The following NAALADL2 variants were observed in gnomAD, a reference collection of about 807,000 sequenced individuals.
NAALADL2 encodes the protein N-acetylated alpha-linked acidic dipeptidase like 2, also known as inactive N-acetylated-alpha-linked acidic dipeptidase-like protein 2.
A neutral mutation model predicts 87.2 loss-of-function variants in NAALADL2; 76 were observed. The ratio of observed to expected loss-of-function variants is 0.87; its 90% CI spans 0.72 to 1.05. NAALADL2 has a LOEUF of 1.05. Ranked by LOEUF, NAALADL2 falls within the 50% of genes least tolerant of loss-of-function variation. The pLI is 0.00. For synonymous variants in NAALADL2, 354 were observed against 331.0 expected (o/e 1.07, Z -0.75); for missense variants, 1,089 against 945.8 (o/e 1.15, Z -1.99).
At chr3:175,046,488 T>C (rs1431940786) in intron 1 of NAALADL2, among the ~76,000 whole-genome samples, 2 of 152,204 alleles carry the variant, frequency 1.3e-5, no homozygotes, top group Non-Finnish European at 2.9e-5. Flanking sequence ...CTGGTTTATC[T>C]AAGCACAAGT....
chr3:174,929,132 A>C (rs1736501500), intron 1 of NAALADL2, among the ~76,000 whole-genome samples: 1 of 152,198 alleles, frequency 6.6e-6, no homozygotes, highest in Admixed American at 6.5e-5. Context: ...ACAGCATTCC[A>C]AGGAGGGGCA....
intron 3 of NAALADL2, among the ~76,000 whole-genome samples, chr3:174,801,874 A>T (rs976588423): frequency 6.6e-6 from 1 of 151,994 alleles, no homozygotes; most frequent in African/African-American, 2.4e-5. Context: ...TCATGAAAAG[A>T]TCTAACTCTA....
At chr3:175,532,745 G>A (rs1349758120) in intron 9 of NAALADL2, among the ~76,000 whole-genome samples, 4 of 152,162 alleles carry the variant, frequency 2.6e-5, no homozygotes, top group African/African-American at 9.7e-5. Flanking sequence ...TGCCACTTTG[G>A]TATCCAATTA....
intron 1 of NAALADL2, among the ~76,000 whole-genome samples, chr3:174,945,930 C>T (rs1220600382): frequency 6.6e-6 from 1 of 151,206 alleles, no homozygotes; most frequent in African/African-American, 2.4e-5. Flanking sequence ...CCTGCGGTCC[C>T]AGCTGATTGG....
chr3:174,763,843 C>A lies in NAALADL2; in HGVS notation c.-9+26097C>A, dbSNP rs200379405. ...CCAAAACAAAACAAAAAAAAAAAAA[C>A]AAACAAAATTTAAAAAAGATTAAAG... On this transcript the variant is annotated intron_variant, in intron 3 of 3. Transcript: ENST00000434257. Among the ~76,000 whole-genome samples, 198 of 141,418 alleles carry A rather than the reference C, an allele frequency of 1.4e-3. 1 individual carries two copies. The highest frequency in any genetic ancestry group is 4.3e-3 in the African/African-American group (165 of 38,258). The allele number at this position is 141,418 out of a possible 152,430, so 92.8% of individuals were successfully genotyped here.
At chr3:174,982,420 T>C (rs1375325223) in intron 1 of NAALADL2, among the ~76,000 whole-genome samples, 1 of 152,130 alleles carries the variant, frequency 6.6e-6, no homozygotes, top group Non-Finnish European at 1.5e-5. Context: ...AGGCCTCTGA[T>C]GATTTGAGGA....
chr3:175,807,289 T>C lies in NAALADL2; in HGVS notation c.*4086T>C, dbSNP rs1754797136. On this transcript the variant is annotated 3_prime_UTR_variant, in exon 14 of 14. Transcript: ENST00000454872. ...TTAAATTAAATAAACGTAGAGCATA[T>C]AGTAAGTTTCCCCACAGGAAAGACA... 6.6e-6 allele frequency: 1 copy of C among 151,922 alleles called. No homozygotes were observed. The highest frequency in any genetic ancestry group is 1.5e-5 in the Non-Finnish European group (1 of 67,912). 9.4% of individuals were successfully genotyped at this position (151,922 alleles called of 1,614,324 possible). A position where few individuals can be genotyped will look rare whatever the true frequency, so the allele number is the denominator to read the frequency against.
chr3:175,621,041 A>G (rs1327749784), intron 10 of NAALADL2, among the ~76,000 whole-genome samples: 1 of 152,178 alleles, frequency 6.6e-6, no homozygotes, highest in Admixed American at 6.5e-5. Flanking sequence ...CAGTTGGTTA[A>G]AAAGCATTAT....
intron 9 of NAALADL2, among the ~76,000 whole-genome samples, chr3:175,561,449 A>C (rs970086006): frequency 6.6e-6 from 1 of 152,112 alleles, no homozygotes; most frequent in Admixed American, 6.5e-5. Flanking sequence ...TAGTGGATTC[A>C]GTTTCCAAAA....
intron 2 of NAALADL2, among the ~76,000 whole-genome samples, chr3:175,138,495 A>G (rs1729469833): frequency 6.6e-6 from 1 of 152,020 alleles, no homozygotes; most frequent in Non-Finnish European, 1.5e-5. Context: ...TTTCCTAATC[A>G]TTTGTCCCTG....
At chr3:175,492,810 G>T (rs1277434416) in intron 9 of NAALADL2, among the ~76,000 whole-genome samples, 1 of 151,914 alleles carries the variant, frequency 6.6e-6, no homozygotes, top group African/African-American at 2.4e-5. Flanking sequence ...AATAATTACT[G>T]GATGATAAGA....
chr3:175,577,415 G>C (rs1719058387), intron 10 of NAALADL2, among the ~76,000 whole-genome samples: 1 of 152,198 alleles, frequency 6.6e-6, no homozygotes, highest in African/African-American at 2.4e-5. Context: ...CACATCAGTA[G>C]AAGGGAGTAG....
At chr3:174,884,538 G>T (rs1729822963) in intron 1 of NAALADL2, among the ~76,000 whole-genome samples, 1 of 152,090 alleles carries the variant, frequency 6.6e-6, no homozygotes, top group South Asian at 2.1e-4. Context: ...CCATGATCGT[G>T]GATAAGACAT....
intron 6 of NAALADL2, among the ~76,000 whole-genome samples, chr3:175,451,740 C>T (rs1721607239): frequency 2.0e-5 from 3 of 152,038 alleles, no homozygotes; most frequent in Non-Finnish European, 4.4e-5. Context: ...CAAAATTTTA[C>T]ATAAATAAAT....
chr3:175,268,287 T>G (rs565395257), intron 4 of NAALADL2, among the ~76,000 whole-genome samples: 15 of 152,252 alleles, frequency 9.9e-5, no homozygotes, highest in Admixed American at 9.8e-4. Flanking sequence ...TATTTGTGTA[T>G]CTAAACATCT....
At chr3:175,584,716 G>C (rs1438964313) in intron 10 of NAALADL2, among the ~76,000 whole-genome samples, 1 of 152,174 alleles carries the variant, frequency 6.6e-6, no homozygotes, top group African/African-American at 2.4e-5. Context: ...CTGAATACTA[G>C]AGACAATTAT....
chr3:175,179,746 A>G (rs1446081906), intron 2 of NAALADL2, among the ~76,000 whole-genome samples: 2 of 151,972 alleles, frequency 1.3e-5, no homozygotes, highest in African/African-American at 4.8e-5. Context: ...TACATAAATT[A>G]CATTTTCTAT....
intron 2 of NAALADL2, among the ~76,000 whole-genome samples, chr3:174,656,995 C>G (rs1294919557): frequency 2.0e-5 from 3 of 151,124 alleles, no homozygotes; most frequent in African/African-American, 7.3e-5. Flanking sequence ...CCCTCCCTTC[C>G]TTCCTTTTTT....
At chr3:175,114,127 G>A (rs2108512911) in intron 2 of NAALADL2, among the ~76,000 whole-genome samples, 1 of 151,742 alleles carries the variant, frequency 6.6e-6, no homozygotes, top group Non-Finnish European at 1.5e-5. Context: ...GTTTCAAAGA[G>A]CTGAAAGCCT....
Sources: gnomAD v4.1 joint callset for allele counts (sites outside exome capture counted in the v4.1 genomes callset) on GRCh38, gnomAD v4.1.1 for gene constraint, MANE v1.5 for transcripts, NCBI Gene and HGNC (gene_info 2026-07-23, HGNC 2026-07-21) for gene names.